The following SEMA6D variants were observed in gnomAD, a reference collection of about 807,000 sequenced individuals.
SEMA6D encodes semaphorin 6D.
SEMA6D carries 35 observed loss-of-function variants against 106.6 expected under a neutral mutation model. That is an observed-to-expected ratio of 0.33 (90% confidence interval 0.25 to 0.44). The LOEUF is 0.44. Ranked by LOEUF, SEMA6D falls within the 20% of genes least tolerant of loss-of-function variation. The probability of loss-of-function intolerance (pLI) is 1.00; values close to 1 mark genes in which losing one functional copy is unlikely to be tolerated. For missense variants in SEMA6D, 1,185 were observed against 1,345.9 expected (o/e 0.88, Z 1.87); for synonymous variants, 499 against 487.7 (o/e 1.02, Z -0.31).
At chr15:47,720,948 G>A (rs570486717) in intron 1 of SEMA6D, among the ~76,000 whole-genome samples, 2 of 152,134 alleles carry the variant, frequency 1.3e-5, no homozygotes, top group African/African-American at 2.4e-5. Context: ...GTTATATTGC[G>A]TGATAAAATA....
chr15:47,742,830 C>T (rs2080899131), intron 1 of SEMA6D, among the ~76,000 whole-genome samples: 2 of 152,186 alleles, frequency 1.3e-5, no homozygotes, highest in Admixed American at 1.3e-4. Context: ...AAGGACCCCA[C>T]ACCCTCTGTG....
At chr15:47,252,618 G>T (rs1484355602) in intron 1 of SEMA6D, among the ~76,000 whole-genome samples, 2 of 152,014 alleles carry the variant, frequency 1.3e-5, no homozygotes, top group Non-Finnish European at 2.9e-5. Context: ...AACTTTCCTA[G>T]ATTCCATATG....
At chr15:47,443,868 CT>C (rs2140831013) in intron 2 of SEMA6D, among the ~76,000 whole-genome samples, 1 of 139,956 alleles carries the variant, frequency 7.1e-6, no homozygotes, top group East Asian at 2.2e-4. Flanking sequence ...AAACTGTCTT[CT>C]TGGCATATCT....
intron 1 of SEMA6D, among the ~76,000 whole-genome samples, chr15:47,233,688 G>A (rs1224658361): frequency 1.3e-5 from 2 of 151,836 alleles, no homozygotes; most frequent in Non-Finnish European, 2.9e-5. Context: ...TTGTAAATGG[G>A]ATCGTTTTCT....
intron 4 of SEMA6D, among the ~76,000 whole-genome samples, chr15:47,629,408 C>T (rs918471457): frequency 3.3e-5 from 5 of 151,906 alleles, no homozygotes; most frequent in Non-Finnish European, 7.4e-5. Flanking sequence ...AATTCATGAA[C>T]ATGGTATGTC....
intron 1 of SEMA6D, among the ~76,000 whole-genome samples, chr15:47,717,897 TTTA>T (rs2079185385): frequency 7.0e-6 from 1 of 142,882 alleles, no homozygotes; most frequent in African/African-American, 2.5e-5. Context: ...GGACAGTTGA[TTTA>T]TTTTCCAAGC....
chr15:47,409,492 T>C (rs1211317011), intron 1 of SEMA6D, among the ~76,000 whole-genome samples: 2 of 152,190 alleles, frequency 1.3e-5, no homozygotes, highest in Non-Finnish European at 1.5e-5. Context: ...TGGTAAACTC[T>C]CTGGACTTCA....
Position 47,771,212 on chromosome 15 carries a change from G to T in SEMA6D, c.2649G>T (p.Leu883=). ...VDSRNTLNDL[L]KHLNDPNSNP... is the part of the protein sequence containing the mutation. The stretch of plus-strand genomic sequence containing the variant: ...CCAGAAATACCCTCAATGATCTCCT[G>T]AAGCATCTGAATGACCCAAATAGTA... The change falls in exon 19 of 19, where the codon CTG becomes CTT. Residue 883 remains leucine, a synonymous_variant. Transcript: ENST00000536845. 6.2e-7 allele frequency: 1 copy of T among 1,614,060 alleles called. No individual in the cohort carries two copies.
intron 3 of SEMA6D, among the ~76,000 whole-genome samples, chr15:47,494,558 A>G (rs1015946308): frequency 6.6e-6 from 1 of 151,442 alleles, no homozygotes; most frequent in African/African-American, 2.4e-5. Context: ...TTGTTAATAT[A>G]TAATTTTGGG....
At chr15:47,517,548 C>A (rs150412473) in intron 3 of SEMA6D, among the ~76,000 whole-genome samples, 232 of 152,168 alleles carry the variant, frequency 1.5e-3, no homozygotes, top group African/African-American at 5.2e-3. Context: ...CAAAATATAA[C>A]CTGAAAAAAC....
intron 1 of SEMA6D, among the ~76,000 whole-genome samples, chr15:47,739,611 G>T (rs2080677908): frequency 6.6e-6 from 1 of 152,354 alleles, no homozygotes; most frequent in Non-Finnish European, 1.5e-5. Flanking sequence ...AACTTCTAAT[G>T]TGTTGACAGC....
intron 1 of SEMA6D, among the ~76,000 whole-genome samples, chr15:47,244,741 G>C (rs756016713): frequency 1.7e-4 from 26 of 152,102 alleles, no homozygotes; most frequent in Non-Finnish European, 2.5e-4. Flanking sequence ...GTGCATGTTT[G>C]ATACATGGGT....
intron 9 of SEMA6D, 43 bp from the exon 10 acceptor site, chr15:47,763,807 C>G: frequency 6.5e-7 from 1 of 1,534,712 alleles, no homozygotes; most frequent in Non-Finnish European, 9.0e-7. Context: ...CCATTCCTTT[C>G]CATGCTCATA....
At chr15:47,224,617 C>A (rs956146639) in intron 1 of SEMA6D, among the ~76,000 whole-genome samples, 1 of 152,034 alleles carries the variant, frequency 6.6e-6, no homozygotes, top group South Asian at 2.1e-4. Context: ...TACCTTATAC[C>A]TCATTTCATT....
At chr15:47,361,129 T>G (rs969000119) in intron 1 of SEMA6D, among the ~76,000 whole-genome samples, 6 of 152,230 alleles carry the variant, frequency 3.9e-5, no homozygotes, top group African/African-American at 1.4e-4. Flanking sequence ...CTCTTCCTTC[T>G]TCCTTTCTTG....
intron 3 of SEMA6D, among the ~76,000 whole-genome samples, chr15:47,519,871 C>T (rs2044514416): frequency 6.6e-6 from 1 of 152,194 alleles, no homozygotes; most frequent in Non-Finnish European, 1.5e-5. Flanking sequence ...GGGAGAAATA[C>T]ATGGTGTTGT....
At chr15:47,480,772 A>G (rs1400406212) in intron 3 of SEMA6D, among the ~76,000 whole-genome samples, 3 of 152,238 alleles carry the variant, frequency 2.0e-5, no homozygotes, top group African/African-American at 7.2e-5. Flanking sequence ...AGACAGAGTC[A>G]TCTTAATTCT....
intron 3 of SEMA6D, among the ~76,000 whole-genome samples, chr15:47,566,876 C>T (rs547294059): frequency 4.6e-5 from 7 of 151,558 alleles, no homozygotes; most frequent in East Asian, 3.9e-4. Context: ...TGAAGGAAGA[C>T]GGAAGATGTT....
intron 4 of SEMA6D, among the ~76,000 whole-genome samples, chr15:47,601,853 A>G (rs1312424908): frequency 6.6e-6 from 1 of 152,314 alleles, no homozygotes; most frequent in East Asian, 1.9e-4. Flanking sequence ...ATCTCCTGTT[A>G]CTTACTATGT....
Sources: allele counts gnomAD v4.1 joint callset (sites outside exome capture counted in the v4.1 genomes callset), GRCh38; gene constraint gnomAD v4.1.1; transcripts MANE v1.5; gene names NCBI Gene and HGNC (gene_info 2026-07-23, HGNC 2026-07-21).